Variants in PLCH1 observed in about 807,000 individuals in gnomAD.
PLCH1 encodes the protein phospholipase C eta 1.
In PLCH1, 60 loss-of-function variants were observed where a neutral mutation model predicts 126.7. The observed-to-expected ratio is 0.47, with a 90% CI of 0.38 to 0.59. The LOEUF (loss-of-function observed/expected upper bound fraction) is 0.59, where lower values mean the gene tolerates loss of function less well. PLCH1 is among the 20% of genes least tolerant of loss of function. PLCH1 has a pLI of 0.00. For missense variants in PLCH1, 1,723 were observed against 2,040.0 expected (o/e 0.84, Z 2.99); for synonymous variants, 719 against 734.9 (o/e 0.98, Z 0.35).
intron 9 of PLCH1, among the ~76,000 whole-genome samples, chr3:155,553,597 G>A (rs1427263664): frequency 6.6e-6 from 1 of 152,146 alleles, no homozygotes; most frequent in African/African-American, 2.4e-5. Flanking sequence ...GAGCAATGGA[G>A]GGGAGAATGA....
intron 2 of PLCH1, among the ~76,000 whole-genome samples, chr3:155,631,838 C>T (rs1738062531): frequency 6.7e-6 from 1 of 150,106 alleles, no homozygotes; most frequent in Admixed American, 6.6e-5. Context: ...CACCTGTGGA[C>T]ATTTAGGCAC....
At chr3:155,698,404 G>A (rs1338689287) in intron 2 of PLCH1, among the ~76,000 whole-genome samples, 1 of 152,118 alleles carries the variant, frequency 6.6e-6, no homozygotes, top group Non-Finnish European at 1.5e-5. Flanking sequence ...TCACATTAAA[G>A]GTTTTTTCCT....
At chr3:155,621,836 C>G (rs1373365161) in intron 2 of PLCH1, among the ~76,000 whole-genome samples, 1 of 152,144 alleles carries the variant, frequency 6.6e-6, no homozygotes, top group African/African-American at 2.4e-5. Flanking sequence ...GGAAAACAAT[C>G]CTCAGGATAT....
intron 9 of PLCH1, among the ~76,000 whole-genome samples, chr3:155,551,793 G>C (rs550657338): frequency 2.0e-5 from 3 of 152,020 alleles, no homozygotes; most frequent in South Asian, 2.1e-4. Context: ...AGAGGAAAAG[G>C]CTGAACTTTT....
intron 8 of PLCH1, among the ~76,000 whole-genome samples, chr3:155,560,634 G>C (rs184518967): frequency 2.6e-5 from 4 of 152,190 alleles, no homozygotes; most frequent in Non-Finnish European, 5.9e-5. Context: ...TTTTGTAGCA[G>C]AAAATTCAAG....
intron 8 of PLCH1, among the ~76,000 whole-genome samples, chr3:155,557,947 C>T (rs1727055248): frequency 3.9e-5 from 6 of 152,152 alleles, no homozygotes; most frequent in Admixed American, 3.9e-4. Context: ...CTGGACAGAA[C>T]ATCCATATTT....
chr3:155,633,415 C>T (rs1481116250), intron 2 of PLCH1, among the ~76,000 whole-genome samples: 1 of 64,540 alleles, frequency 1.5e-5, no homozygotes, highest in Non-Finnish European at 2.8e-5. Flanking sequence ...TATAACATCA[C>T]ACACACACAC....
intron 1 of PLCH1, among the ~76,000 whole-genome samples, chr3:155,707,864 T>C (rs1169911275): frequency 6.6e-6 from 1 of 152,178 alleles, no homozygotes; most frequent in Non-Finnish European, 1.5e-5. Flanking sequence ...AATATTCACA[T>C]ACTTGGACAT....
Position 155,485,361 on chromosome 3 carries a change from G to A in PLCH1, c.2969C>T (p.Ser990Phe), listed in dbSNP as rs148423568. ...AGAAACTTAAAGCATCTTACCTAGA[G>A]AGTTTTCTTTTCCTTCAATGTCTTT... is the stretch of plus-strand genomic sequence containing the variant. ...TAKDIEGKEN[S>F]LAEDKDGRRK... The change falls in exon 22 of 23, where the codon TCT becomes TTT. Residue 990 changes from serine to phenylalanine, a missense_variant. Ser to Phe is a radical substitution (Grantham distance 155). This residue lies in a region of PLCH1 where 947 missense variants were observed against 977.1 expected (regional missense o/e 0.97). Transcript: ENST00000460012. 1.9e-6 allele frequency: 3 copies of A among 1,594,668 alleles called. No homozygotes were observed. Among genetic ancestry groups the A allele is most frequent in the African/African-American group, 2.7e-5 (2 of 74,450 alleles).
intron 2 of PLCH1, among the ~76,000 whole-genome samples, chr3:155,659,452 G>T (rs1468158918): frequency 6.6e-6 from 1 of 150,938 alleles, no homozygotes; most frequent in Non-Finnish European, 1.5e-5. Context: ...AGCCTCCAGA[G>T]CAGCTCAGAG....
intron 10 of PLCH1, among the ~76,000 whole-genome samples, chr3:155,530,022 C>T (rs747438123): frequency 1.2e-4 from 19 of 152,148 alleles, no homozygotes; most frequent in African/African-American, 2.7e-4. Context: ...CCGCCTTGGC[C>T]TCCCAAGGCA....
At chr3:155,608,825 C>T (rs1289916536) in intron 2 of PLCH1, among the ~76,000 whole-genome samples, 1 of 152,082 alleles carries the variant, frequency 6.6e-6, no homozygotes, top group Non-Finnish European at 1.5e-5. Flanking sequence ...CTGCCCATCG[C>T]CTGAGAAACC....
intron 4 of PLCH1, 69 bp from the exon 5 acceptor site, chr3:155,586,263 C>T (rs948198097): frequency 4.0e-6 from 6 of 1,505,160 alleles, no homozygotes; most frequent in East Asian, 2.3e-5. Context: ...ACAGAATACT[C>T]GCAAAGACAT....
At chr3:155,681,972 C>T (rs537780064) in intron 2 of PLCH1, among the ~76,000 whole-genome samples, 2 of 152,308 alleles carry the variant, frequency 1.3e-5, no homozygotes, top group African/African-American at 4.8e-5. Flanking sequence ...AATCCCTTGA[C>T]CACTCAGTCA....
At chr3:155,537,455 C>T (rs563502189) in intron 10 of PLCH1, among the ~76,000 whole-genome samples, 47 of 152,066 alleles carry the variant, frequency 3.1e-4, no homozygotes, top group Non-Finnish European at 5.2e-4. Context: ...CACAGAATGG[C>T]AGAATGAATA....
At chr3:155,590,438 C>T (rs1487400546) in intron 4 of PLCH1, among the ~76,000 whole-genome samples, 2 of 151,990 alleles carry the variant, frequency 1.3e-5, no homozygotes, top group African/African-American at 4.8e-5. Context: ...ATTAGCCGGG[C>T]GTGGTGGCGG....
At position 155,480,071 on chromosome 3, in the gene PLCH1, AATT is replaced by A. The variant is rs964745318; in HGVS notation, c.*894_*896del. The A allele has an allele frequency of 2.6e-5, 4 of 152,594 alleles. No individual in the cohort carries two copies. Among genetic ancestry groups the A allele is most frequent in the Non-Finnish European group, 5.9e-5 (4 of 68,028 alleles). The allele number at this position is 152,594 out of a possible 1,614,324, so 9.5% of individuals were successfully genotyped here. A position where few individuals can be genotyped will look rare whatever the true frequency, so the allele number is the denominator to read the frequency against. On this transcript the variant is annotated 3_prime_UTR_variant, in exon 23 of 23. Transcript: ENST00000460012. ...TCCCTGAAGGAAAAGGGTTTCTTCTAATTATCTGTTCACTTGGATTTTATTATG... is the reference window on the plus strand; with the variant it reads ...TCCCTGAAGGAAAAGGGTTTCTTCTAATCTGTTCACTTGGATTTTATTATG...
chr3:155,657,105 T>TA lies in PLCH1; in HGVS notation c.79+47040dup, dbSNP rs772746319. 2.6e-4 allele frequency among the ~76,000 whole-genome samples: 38 copies of TA among 146,250 alleles called. No homozygotes were observed. The East Asian group carries it at 5.3e-3, about 21-fold the overall frequency. ...CAACTAAATAAGCTGATTCTTAAGT[T>TA]AAAAAAAAATGTAAGAATAGGTCAG... On this transcript the variant is annotated intron_variant, in intron 2 of 22. Transcript: ENST00000460012.
intron 1 of PLCH1, chr3:155,743,537 A>T (rs1749772079): frequency 2.2e-6 from 1 of 452,506 alleles, no homozygotes; most frequent in African/African-American, 2.0e-5. Flanking sequence ...GTCTCAAAAA[A>T]GAAAAAAAGA....
Sources: gnomAD v4.1 joint callset for allele counts (sites outside exome capture counted in the v4.1 genomes callset) on GRCh38, gnomAD v4.1.1 for gene constraint, gnomAD v4.1.1 regional missense constraint, MANE v1.5 for transcripts, NCBI Gene and HGNC (gene_info 2026-07-23, HGNC 2026-07-21) for gene names.